Variants in PUDP observed in about 807,000 individuals in gnomAD.
PUDP encodes pseudouridine 5'-phosphatase, also known as pseudouridine-5'-phosphatase.
In PUDP, 8 loss-of-function variants were observed where a neutral mutation model predicts 9.4. That is an observed-to-expected ratio of 0.85 (90% CI 0.50 to 1.53). PUDP has a LOEUF of 1.53. Among genes scored for constraint, PUDP ranks in the 40% most tolerant of loss-of-function variants. The probability of loss-of-function intolerance (pLI) is 0.00; values close to 1 mark genes in which losing one functional copy is unlikely to be tolerated. For synonymous variants in PUDP, 99 were observed against 80.7 expected, an observed-to-expected ratio of 1.23 and a Z score of -1.22; for missense variants, 188 against 189.7, an observed-to-expected ratio of 0.99 and a Z score of 0.05.
intron 1 of PUDP, chrX:7,113,056 C>A (rs1384131487): frequency 1.8e-5 from 2 of 112,843 alleles, no homozygotes; most frequent in African/African-American, 6.4e-5. Context: ...ATGCTTCTTT[C>A]CTTGCTTGCA....
chrX:7,131,870 C>T (rs748322093), intron 1 of PUDP, among the ~76,000 whole-genome samples: 44 of 108,141 alleles, frequency 4.1e-4, no homozygotes, highest in African/African-American at 1.4e-3. Flanking sequence ...CGCCTCTCAC[C>T]GAGTCCTCTT....
intron 3 of PUDP, among the ~76,000 whole-genome samples, chrX:7,067,388 C>T (rs945653705): frequency 3.1e-4 from 35 of 111,769 alleles, no homozygotes; most frequent in African/African-American, 8.4e-4. Flanking sequence ...CCAAGAATGA[C>T]GAGCAGCTCT....
intron 3 of PUDP, among the ~76,000 whole-genome samples, chrX:6,936,802 T>C (rs1278395059): frequency 1.0e-5 from 1 of 96,864 alleles, no homozygotes; most frequent in Admixed American, 1.2e-4. Context: ...GGATACAAAA[T>C]CAATGTACAA....
At chrX:6,790,117 G>A (rs1282002665) in intron 3 of PUDP, among the ~76,000 whole-genome samples, 2 of 111,291 alleles carry the variant, frequency 1.8e-5, no homozygotes, top group South Asian at 3.8e-4. Flanking sequence ...AGAGAAAGAC[G>A]ATAGATGATA....
At chrX:7,060,905 A>C (rs1241194911) in intron 3 of PUDP, among the ~76,000 whole-genome samples, 1 of 111,986 alleles carries the variant, frequency 8.9e-6, no homozygotes, top group Non-Finnish European at 1.9e-5. Flanking sequence ...GGCTCTGCTG[A>C]CCACTCATGA....
At chrX:7,059,933 A>G (rs1237820456) in intron 3 of PUDP, among the ~76,000 whole-genome samples, 3 of 112,307 alleles carry the variant, frequency 2.7e-5, no homozygotes, top group Non-Finnish European at 5.6e-5. Context: ...ACTGATAAAC[A>G]CAGAGAAAAA....
chrX:6,734,459 C>A (rs932119918), intron 3 of PUDP, among the ~76,000 whole-genome samples: 1 of 112,069 alleles, frequency 8.9e-6, no homozygotes, highest in Non-Finnish European at 1.9e-5. Flanking sequence ...TAAACATATA[C>A]AATTATGATT....
intron 3 of PUDP, among the ~76,000 whole-genome samples, chrX:6,779,342 G>A (rs1342671681): frequency 8.9e-6 from 1 of 112,106 alleles, no homozygotes; most frequent in Non-Finnish European, 1.9e-5. Flanking sequence ...AAAGCAGTGT[G>A]AAAGCAAAGC....
chrX:6,905,457 G>A (rs774640839), intron 3 of PUDP, among the ~76,000 whole-genome samples: 1 of 112,049 alleles, frequency 8.9e-6, no homozygotes. Context: ...CAATCATGGC[G>A]CAAGGCAAAG....
chrX:6,843,668 G>A (rs187739979), intron 3 of PUDP, among the ~76,000 whole-genome samples: 2 of 111,776 alleles, frequency 1.8e-5, no homozygotes, highest in African/African-American at 3.2e-5. Flanking sequence ...CCACTCTGAC[G>A]TGGAAATCTC....
At chrX:6,836,849 G>C (rs778848332) in intron 3 of PUDP, among the ~76,000 whole-genome samples, 1 of 112,364 alleles carries the variant, frequency 8.9e-6, no homozygotes, top group African/African-American at 3.2e-5. Flanking sequence ...TTAGTGACTT[G>C]CTTATAAATT....
intron 2 of PUDP, among the ~76,000 whole-genome samples, chrX:7,081,716 G>A (rs762685930): frequency 3.0e-4 from 34 of 113,144 alleles, no homozygotes; most frequent in Admixed American, 1.7e-3. Flanking sequence ...CGGGACATCC[G>A]TCAATTATAC....
intron 1 of PUDP, among the ~76,000 whole-genome samples, chrX:7,128,758 T>C (rs770388816): frequency 8.9e-6 from 1 of 111,891 alleles, no homozygotes; most frequent in African/African-American, 3.3e-5. Flanking sequence ...GTTCTAACTA[T>C]CCAAGTACTG....
intron 1 of PUDP, among the ~76,000 whole-genome samples, chrX:6,715,222 C>G (rs55917766): frequency 0.21 from 23,659 of 110,476 alleles, 2,392 homozygotes; most frequent in Non-Finnish European, 0.31. Flanking sequence ...AGATCATGAT[C>G]ATTTTTCCAT....
At chrX:7,101,713 G>T (rs2146893812) in intron 2 of PUDP, among the ~76,000 whole-genome samples, 1 of 111,560 alleles carries the variant, frequency 9.0e-6, no homozygotes, top group East Asian at 2.8e-4. Flanking sequence ...TGAGTGCTTT[G>T]TAAAGTCACA....
chrX:6,746,788 T>C (rs1253562198), intron 3 of PUDP, among the ~76,000 whole-genome samples: 1 of 111,896 alleles, frequency 8.9e-6, no homozygotes, highest in African/African-American at 3.3e-5. Context: ...GGTGTATATG[T>C]ACCACATTTT....
intron 3 of PUDP, among the ~76,000 whole-genome samples, chrX:6,758,373 G>A: frequency 9.0e-6 from 1 of 111,231 alleles, no homozygotes; most frequent in African/African-American, 3.3e-5. Flanking sequence ...TGAGATGGGA[G>A]GATCGTTTGA....
At chrX:6,755,438 G>A (rs906520079) in intron 3 of PUDP, among the ~76,000 whole-genome samples, 4 of 111,589 alleles carry the variant, frequency 3.6e-5, no homozygotes, top group Admixed American at 9.5e-5. Flanking sequence ...AGGTACTAGG[G>A]AAACAGAGAT....
Position 6,991,835 on chromosome X carries a change from GA to G in PUDP, c.205-13493del, listed in dbSNP as rs1258323222. Reference sequence around the variant, plus strand: ...AGAAAAATAAATAAAAAGGAAAAAAGAAAGAAAAATTTTTAAAGAAAAACAG... The same window carrying G: ...AGAAAAATAAATAAAAAGGAAAAAAGAAGAAAAATTTTTAAAGAAAAACAG... On this transcript the variant is annotated intron_variant and NMD_transcript_variant, in intron 1 of 3. Coordinates refer to the PUDP transcript ENST00000655425. Among the ~76,000 whole-genome samples, 24 of 109,690 alleles carry G rather than the reference GA, an allele frequency of 2.2e-4. No individual in the cohort carries two copies. The Admixed American group carries it at 2.3e-3, about 11-fold the overall frequency.
Sources: allele counts gnomAD v4.1 joint callset (sites outside exome capture counted in the v4.1 genomes callset), GRCh38; gene constraint gnomAD v4.1.1; transcripts MANE v1.5; gene names NCBI Gene and HGNC (gene_info 2026-07-23, HGNC 2026-07-21).